MACROD2: variants seen among roughly 807,000 people sequenced by gnomAD.
MACROD2 encodes the protein mono-ADP ribosylhydrolase 2.
Under a neutral mutation model 70.4 loss-of-function variants are expected in MACROD2, and 36 were observed. The ratio of observed to expected loss-of-function variants is 0.51; its 90% CI spans 0.39 to 0.68. The LOEUF is 0.68. Among genes scored for constraint, MACROD2 ranks in the 30% least tolerant of loss-of-function variants. The pLI, the probability that MACROD2 is intolerant of heterozygous loss-of-function variation, is 0.00. For synonymous variants in MACROD2, 172 were observed against 178.8 expected (o/e 0.96, Z 0.30); for missense variants, 496 against 538.4 (o/e 0.92, Z 0.78).
In MACROD2 at chr20:14,689,787, C is replaced by T. The variant is rs1013097653; in HGVS notation, c.418+4828C>T. Among the ~76,000 whole-genome samples, 5 of 152,164 alleles carry T rather than the reference C, an allele frequency of 3.3e-5. No individual in the cohort carries two copies. In the South Asian group the frequency reaches 8.3e-4, roughly 25 times the overall value. ...GTTAACATACTGAGGGCACTTGTCA[C>T]GTGCTACCTTTTATTGTTGGATATG... On this transcript the variant is annotated intron_variant, in intron 5 of 17. Coordinates refer to ENST00000684519, the MANE Select transcript of MACROD2 (RefSeq NM_001351661.2).
At chr20:15,391,019 C>G (rs1167959510) in intron 6 of MACROD2, among the ~76,000 whole-genome samples, 1 of 152,180 alleles carries the variant, frequency 6.6e-6, no homozygotes, top group East Asian at 1.9e-4. Context: ...AACAGCACCT[C>G]ACTTCATCAA....
intron 3 of MACROD2, among the ~76,000 whole-genome samples, chr20:14,398,604 A>G (rs1234774129): frequency 6.6e-6 from 1 of 152,116 alleles, no homozygotes; most frequent in Admixed American, 6.5e-5. Context: ...CCATTTACAA[A>G]TGGGATTATT....
At chr20:15,112,369 C>T (rs982984942) in intron 5 of MACROD2, among the ~76,000 whole-genome samples, 8 of 152,098 alleles carry the variant, frequency 5.3e-5, no homozygotes, top group Middle Eastern at 3.2e-3. Context: ...GCCTCTGAAA[C>T]GGGCAACTCT....
chr20:14,833,512 T>C (rs2072994655), intron 5 of MACROD2, among the ~76,000 whole-genome samples: 1 of 152,130 alleles, frequency 6.6e-6, no homozygotes, highest in African/African-American at 2.4e-5. Flanking sequence ...TTTTTACGAT[T>C]CTGAAGTATC....
At chr20:14,854,903 C>T (rs1470855272) in intron 5 of MACROD2, among the ~76,000 whole-genome samples, 1 of 152,016 alleles carries the variant, frequency 6.6e-6, no homozygotes, top group Non-Finnish European at 1.5e-5. Context: ...GTAGTCCCAG[C>T]TACTCGGGAG....
chr20:15,084,799 A>G (rs1028529053), intron 5 of MACROD2, among the ~76,000 whole-genome samples: 1 of 152,228 alleles, frequency 6.6e-6, no homozygotes, highest in Non-Finnish European at 1.5e-5. Flanking sequence ...GGTGTTTGCC[A>G]TACTCAGGGC....
At chr20:15,190,282 C>T (rs1383326334) in intron 5 of MACROD2, among the ~76,000 whole-genome samples, 1 of 152,072 alleles carries the variant, frequency 6.6e-6, no homozygotes, top group African/African-American at 2.4e-5. Flanking sequence ...CTCCAAGACA[C>T]CTTAAGGAAA....
chr20:14,048,899 G>T (rs912747168), intron 2 of MACROD2, among the ~76,000 whole-genome samples: 2 of 152,098 alleles, frequency 1.3e-5, no homozygotes, highest in African/African-American at 2.4e-5. Flanking sequence ...TGACAGCTGA[G>T]AAATAAAATT....
intron 4 of MACROD2, among the ~76,000 whole-genome samples, chr20:14,609,014 G>T (rs1257024688): frequency 1.3e-5 from 2 of 152,108 alleles, no homozygotes; most frequent in Non-Finnish European, 2.9e-5. Flanking sequence ...GGGGAACTTG[G>T]TGAGGTTTGG....
At chr20:14,606,577 G>A (rs1982818651) in intron 4 of MACROD2, among the ~76,000 whole-genome samples, 1 of 152,126 alleles carries the variant, frequency 6.6e-6, no homozygotes, top group Non-Finnish European at 1.5e-5. Context: ...TAGAAACATA[G>A]TTGGCAATAA....
At chr20:14,505,278 G>A (rs564975306) in intron 4 of MACROD2, among the ~76,000 whole-genome samples, 1 of 152,190 alleles carries the variant, frequency 6.6e-6, no homozygotes, top group Non-Finnish European at 1.5e-5. Context: ...GAAGGCAGCA[G>A]CAGTACTAAA....
intron 5 of MACROD2, among the ~76,000 whole-genome samples, chr20:15,173,068 G>A (rs903080989): frequency 2.6e-5 from 4 of 152,084 alleles, no homozygotes; most frequent in African/African-American, 9.7e-5. Context: ...GTGTGTGTTT[G>A]TGTGGGTCTG....
At chr20:14,868,073 T>C (rs1393763230) in intron 5 of MACROD2, among the ~76,000 whole-genome samples, 1 of 152,056 alleles carries the variant, frequency 6.6e-6, no homozygotes, top group Non-Finnish European at 1.5e-5. Context: ...TAGAAACATA[T>C]TAGCCATTCT....
intron 3 of MACROD2, among the ~76,000 whole-genome samples, chr20:14,351,106 A>G (rs1034617989): frequency 6.6e-6 from 1 of 152,100 alleles, no homozygotes; most frequent in African/African-American, 2.4e-5. Flanking sequence ...CCATTGAGCT[A>G]TGTGTCTGTT....
At chr20:14,606,343 C>T (rs1457841640) in intron 4 of MACROD2, among the ~76,000 whole-genome samples, 1 of 151,974 alleles carries the variant, frequency 6.6e-6, no homozygotes, top group African/African-American at 2.4e-5. Context: ...ATAAGAAGAC[C>T]ATTTTCCTCA....
intron 4 of MACROD2, among the ~76,000 whole-genome samples, chr20:14,683,917 A>G (rs1243770620): frequency 6.6e-6 from 1 of 151,698 alleles, no homozygotes; most frequent in African/African-American, 2.4e-5. Flanking sequence ...CCAAATCCTC[A>G]ATTTCCTAAT....
At chr20:15,349,063 C>T (rs1015719009) in intron 6 of MACROD2, among the ~76,000 whole-genome samples, 1 of 152,088 alleles carries the variant, frequency 6.6e-6, no homozygotes, top group African/African-American at 2.4e-5. Flanking sequence ...AGGACAGAAG[C>T]ATTAGGCTCT....
At chr20:14,014,164 A>G (rs887322737) in intron 2 of MACROD2, among the ~76,000 whole-genome samples, 3 of 152,146 alleles carry the variant, frequency 2.0e-5, no homozygotes, top group African/African-American at 2.4e-5. Flanking sequence ...GTGAACAGAT[A>G]TTTTGACATG....
At chr20:15,126,379 C>T (rs904744141) in intron 5 of MACROD2, among the ~76,000 whole-genome samples, 1 of 151,830 alleles carries the variant, frequency 6.6e-6, no homozygotes, top group Non-Finnish European at 1.5e-5. Context: ...TGATTATAGC[C>T]ACCCTAGTAG....
Sources: allele counts gnomAD v4.1 joint callset (sites outside exome capture counted in the v4.1 genomes callset), GRCh38; gene constraint gnomAD v4.1.1; transcripts MANE v1.5; gene names NCBI Gene and HGNC (gene_info 2026-07-23, HGNC 2026-07-21).